Variants in PCP4L1 observed in about 807,000 individuals in gnomAD.
PCP4L1 encodes Purkinje cell protein 4-like protein 1.
Under a neutral mutation model 9.6 loss-of-function variants are expected in PCP4L1, and 9 were observed. The observed-to-expected ratio is 0.94, with a 90% CI of 0.57 to 1.64. The LOEUF is 1.64. PCP4L1 is among the 40% of genes most tolerant of loss of function. The pLI is 0.00. For synonymous variants in PCP4L1, 31 were observed against 28.2 expected, an observed-to-expected ratio of 1.10 and a Z score of -0.31; for missense variants, 81 against 80.8, an observed-to-expected ratio of 1.00 and a Z score of -0.01.
intron 1 of PCP4L1, among the ~76,000 whole-genome samples, chr1:161,260,862 G>T (rs1367442722): frequency 1.3e-5 from 2 of 152,164 alleles, no homozygotes; most frequent in African/African-American, 4.8e-5. Flanking sequence ...GTTTTAACTA[G>T]CAATTTAGTC....
At chr1:161,281,710 C>CG (rs1558146795) in intron 1 of PCP4L1, among the ~76,000 whole-genome samples, 1 of 143,522 alleles carries the variant, frequency 7.0e-6, no homozygotes, top group Admixed American at 6.9e-5. Flanking sequence ...ACTTCTCAGA[C>CG]GGGGCGGCCG....
intron 1 of PCP4L1, among the ~76,000 whole-genome samples, chr1:161,271,315 T>A (rs1669621863): frequency 6.6e-6 from 1 of 152,226 alleles, no homozygotes; most frequent in African/African-American, 2.4e-5. Flanking sequence ...ATGTTATATA[T>A]CTTTTCATGT....
rs576280313 is a variant in PCP4L1, at chr1:161,276,936, TGGAA to T, written c.10-6731_10-6728del. On this transcript the variant is annotated intron_variant, in intron 1 of 2. Coordinates refer to ENST00000504449, the MANE Select transcript of PCP4L1 (RefSeq NM_001102566.2). ...ATTTTCTTTCCCCCTAATGTTTTATTGGAACCATTTACCAGAAATGAAAGAATAG... is the reference window on the plus strand; with the variant it reads ...ATTTTCTTTCCCCCTAATGTTTTATTCCATTTACCAGAAATGAAAGAATAG... Among the ~76,000 whole-genome samples the T allele has an allele frequency of 2.5e-4, 38 of 152,276 alleles. No individual in the cohort carries two copies. In the South Asian group the frequency reaches 7.5e-3, roughly 30 times the overall value.
At chr1:161,263,710 T>C (rs768453564) in intron 1 of PCP4L1, among the ~76,000 whole-genome samples, 3 of 151,606 alleles carry the variant, frequency 2.0e-5, no homozygotes, top group Non-Finnish European at 4.4e-5. Flanking sequence ...GCATCCCTTG[T>C]AGCTGGGACC....
intron 1 of PCP4L1, among the ~76,000 whole-genome samples, chr1:161,278,188 G>A (rs1002928868): frequency 1.3e-5 from 2 of 151,756 alleles, no homozygotes; most frequent in Admixed American, 1.3e-4. Flanking sequence ...TTCCTCCACC[G>A]CCCTTTAAAG....
At chr1:161,276,759 G>GTA (rs10623212) in intron 1 of PCP4L1, among the ~76,000 whole-genome samples, 41,544 of 148,292 alleles carry the variant, frequency 0.28, 5,971 homozygotes, top group East Asian at 0.42. Flanking sequence ...ATATATGTAT[G>GTA]TATATATATA....
chr1:161,282,966 T>C (rs1374629967), intron 1 of PCP4L1, among the ~76,000 whole-genome samples: 1 of 152,130 alleles, frequency 6.6e-6, no homozygotes, highest in Non-Finnish European at 1.5e-5. Context: ...TTCTGCATCC[T>C]TTCTCTTTCC....
At chr1:161,272,455 G>A (rs947115692) in intron 1 of PCP4L1, among the ~76,000 whole-genome samples, 35 of 151,642 alleles carry the variant, frequency 2.3e-4, no homozygotes, top group African/African-American at 8.0e-4. Flanking sequence ...CTACGCGGGA[G>A]GCTGAGGCAG....
intron 1 of PCP4L1, among the ~76,000 whole-genome samples, chr1:161,283,348 C>G (rs1019351074): frequency 6.6e-6 from 1 of 152,142 alleles, no homozygotes; most frequent in Admixed American, 6.6e-5. Flanking sequence ...CTTTCGCTAC[C>G]TTTTCTCCAT....
chr1:161,260,355 T>C (rs1049256265), intron 1 of PCP4L1, among the ~76,000 whole-genome samples: 1 of 152,230 alleles, frequency 6.6e-6, no homozygotes, highest in African/African-American at 2.4e-5. Context: ...GTTGTGACTC[T>C]GATGATGGCA....
intron 1 of PCP4L1, among the ~76,000 whole-genome samples, chr1:161,275,224 C>CA (rs1669678668): frequency 6.6e-6 from 1 of 152,086 alleles, no homozygotes; most frequent in African/African-American, 2.4e-5. Context: ...TATTTAGAAT[C>CA]AGAGTCCAGT....
Position 161,258,963 on chromosome 1 carries a change from C to G in PCP4L1, c.-12C>G, listed in dbSNP as rs1197790034. On this transcript the variant is annotated 5_prime_UTR_variant, in exon 1 of 3. Coordinates refer to ENST00000504449, the MANE Select transcript of PCP4L1 (RefSeq NM_001102566.2). The stretch of plus-strand genomic sequence containing the variant: ...GCGTGCAGCGCCTCGCGCGCCCTGT[C>G]CGGCTGCGGAGATGAGCGAGGTGAG... The G allele has an allele frequency of 2.6e-6, 4 of 1,534,286 alleles. No homozygotes were observed. The African/African-American group carries it at 4.1e-5, about 16-fold the overall frequency.
chr1:161,281,157 G>C (rs1669789120), intron 1 of PCP4L1, among the ~76,000 whole-genome samples: 1 of 151,790 alleles, frequency 6.6e-6, no homozygotes, highest in Admixed American at 6.6e-5. Context: ...CAGGGTTGGG[G>C]GTAAGGTCAT....
At chr1:161,281,833 G>C (rs7540629) in intron 1 of PCP4L1, among the ~76,000 whole-genome samples, 183 of 55,238 alleles carry the variant, frequency 3.3e-3, no homozygotes, top group East Asian at 0.017. Flanking sequence ...ACGGGGCGGC[G>C]GGGCAGAGGC....
chr1:161,269,270 A>T (rs1324432471), intron 1 of PCP4L1, among the ~76,000 whole-genome samples: 2 of 152,166 alleles, frequency 1.3e-5, no homozygotes, highest in South Asian at 2.1e-4. Context: ...GGGGGGTAAG[A>T]CATTACCTGT....
chr1:161,273,468 T>C (rs918219357), intron 1 of PCP4L1, among the ~76,000 whole-genome samples: 1 of 152,140 alleles, frequency 6.6e-6, no homozygotes, highest in Non-Finnish European at 1.5e-5. Flanking sequence ...CATTCAGTCC[T>C]ATGTGGGCAG....
At chr1:161,275,515 CAA>C (rs11302998) in intron 1 of PCP4L1, among the ~76,000 whole-genome samples, 135 of 91,864 alleles carry the variant, frequency 1.5e-3, no homozygotes, top group Middle Eastern at 0.012. Context: ...GACTCCGTCT[CAA>C]AAAAAAAAAA....
chr1:161,263,653 C>A lies in PCP4L1; in HGVS notation c.9+4670C>A, dbSNP rs189368795. On this transcript the variant is annotated intron_variant, in intron 1 of 2. Transcript: ENST00000504449. ...CTGGAGTACAGTGGCATGATCATGGCTCACTGCAGCCTCAAGCTCCTGGAC... is the reference window on the plus strand; with the variant it reads ...CTGGAGTACAGTGGCATGATCATGGATCACTGCAGCCTCAAGCTCCTGGAC... 9.9e-5 allele frequency among the ~76,000 whole-genome samples: 15 copies of A among 150,902 alleles called. No individual in the cohort carries two copies. The East Asian group carries it at 2.1e-3, about 22-fold the overall frequency.
chr1:161,261,582 G>C lies in PCP4L1; in HGVS notation c.9+2599G>C, dbSNP rs559472424. Among the ~76,000 whole-genome samples, 8 of 152,358 alleles carry C rather than the reference G, an allele frequency of 5.3e-5. No individual in the cohort carries two copies. In the East Asian group the frequency reaches 1.5e-3, roughly 29 times the overall value. On this transcript the variant is annotated intron_variant, in intron 1 of 2. Coordinates refer to ENST00000504449, the MANE Select transcript of PCP4L1 (RefSeq NM_001102566.2). ...GGAATGAGAGATGTGTTCAGTCCCT[G>C]AGGGCTCTTCCCTATAATCCTTTTT...
Sources: allele counts gnomAD v4.1 joint callset (sites outside exome capture counted in the v4.1 genomes callset), GRCh38; gene constraint gnomAD v4.1.1; transcripts MANE v1.5; gene names NCBI Gene and HGNC (gene_info 2026-07-23, HGNC 2026-07-21).